Variants in PCDHGB2 observed in about 807,000 individuals in gnomAD.
PCDHGB2 encodes protocadherin gamma-B2.
In PCDHGB2, 55 loss-of-function variants were observed where a neutral mutation model predicts 59.3. The observed-to-expected ratio is 0.93, with a 90% CI of 0.75 to 1.16. The LOEUF (loss-of-function observed/expected upper bound fraction) is 1.16, where lower values mean the gene tolerates loss of function less well. Ranked by LOEUF, PCDHGB2 falls within the 50% of genes most tolerant of loss-of-function variation. PCDHGB2 has a pLI of 0.00. For synonymous variants in PCDHGB2, 516 were observed against 512.0 expected, an observed-to-expected ratio of 1.01 and a Z score of -0.11; for missense variants, 1,228 against 1,198.5, an observed-to-expected ratio of 1.02 and a Z score of -0.36.
At chr5:141,403,430 C>A in intron 1 of PCDHGB2, 1 of 1,614,022 alleles carries the variant, frequency 6.2e-7, no homozygotes, top group Non-Finnish European at 8.5e-7. Flanking sequence ...AGCTATTGAT[C>A]CGGATGTTGG....
chr5:141,418,804 T>A, intron 1 of PCDHGB2: 2 of 1,613,836 alleles, frequency 1.2e-6, no homozygotes, highest in Non-Finnish European at 1.7e-6. Flanking sequence ...TAGAAAGATA[T>A]ACGATAAACA....
In PCDHGB2 at chr5:141,487,574, C is replaced by T. The variant is rs753979217; in HGVS notation, c.2422-7233C>T. ...TGCACCTATGGCAGGGGAGCCTGTTCGCCCAAGCTGCCCACCCTCTGATCT... is the reference window on the plus strand; with the variant it reads ...TGCACCTATGGCAGGGGAGCCTGTTTGCCCAAGCTGCCCACCCTCTGATCT... On this transcript the variant is annotated intron_variant, in intron 1 of 3. Transcript: ENST00000522605. This position sits in a 1 kb window ranked among gnomAD's most constrained non-coding sequence, Gnocchi z 5.0. 1.2e-5 allele frequency: 20 copies of T among 1,614,040 alleles called. 1 individual carries two copies. The highest frequency in any genetic ancestry group is 8.9e-5 in the East Asian group (4 of 44,870).
chr5:141,413,111 AG>A lies in PCDHGB2; in HGVS notation c.2421+50557del, dbSNP rs962952666. ...ACACCCTGAAGCCACAGAAAGACAA[AG>A]GAACCGGTTGAAACACACAACGTGT... On this transcript the variant is annotated intron_variant, in intron 1 of 3. Transcript: ENST00000522605. 4.7e-6 allele frequency: 7 copies of A among 1,499,852 alleles called. No individual in the cohort carries two copies. In the African/African-American group the frequency reaches 8.4e-5, roughly 18 times the overall value. 92.9% of individuals were successfully genotyped at this position (1,499,852 alleles called of 1,614,324 possible). A position where few individuals can be genotyped will look rare whatever the true frequency, so the allele number is the denominator to read the frequency against.
Position 141,375,597 on chromosome 5 carries a change from T to A in PCDHGB2, c.2421+13041T>A, listed in dbSNP as rs752006849. ...CAGGGGGCGCCCCTGTCCTCCTACG[T>A]GTCCATCAACTCCGACACTGGGATT... On this transcript the variant is annotated intron_variant, in intron 1 of 3. Transcript: ENST00000522605. The A allele has an allele frequency of 1.4e-5, 22 of 1,614,042 alleles. No homozygotes were observed. In the Middle Eastern group the frequency reaches 4.9e-4, roughly 36 times the overall value.
intron 1 of PCDHGB2, chr5:141,375,368 A>T (rs774708513): frequency 6.2e-7 from 1 of 1,613,754 alleles, no homozygotes; most frequent in Non-Finnish European, 8.5e-7. Context: ...GGACAAAGGA[A>T]CACCACCTCT....
intron 3 of PCDHGB2, 96 bp downstream of exon 3, chr5:141,505,577 G>C: frequency 2.5e-6 from 4 of 1,589,854 alleles, no homozygotes; most frequent in Non-Finnish European, 3.4e-6. Flanking sequence ...TGTCAAACCT[G>C]TGTAGTTTCT....
At chr5:141,404,326 A>G in intron 1 of PCDHGB2, 2 of 1,613,904 alleles carry the variant, frequency 1.2e-6, no homozygotes, top group Non-Finnish European at 1.7e-6. Context: ...CCTCCTACTC[A>G]GTCTACCTCC....
chr5:141,434,948 T>C (rs1486185815), intron 1 of PCDHGB2, among the ~76,000 whole-genome samples: 1 of 151,828 alleles, frequency 6.6e-6, no homozygotes, highest in East Asian at 1.9e-4. Flanking sequence ...ATATAATTTA[T>C]TAACAATTTA....
rs370299433 is a variant in PCDHGB2 at position 141,476,360 on chromosome 5, G to A, written c.2422-18447G>A. 5.3e-5 allele frequency: 86 copies of A among 1,614,186 alleles called. No homozygotes were observed. The highest frequency in any genetic ancestry group is 6.7e-5 in the Non-Finnish European group (79 of 1,180,042). ...CCGAAGATTCTTTGAGGTGAACCGG[G>A]AGACCGGAGAGATGTTTGTGAACGA... On this transcript the variant is annotated intron_variant, in intron 1 of 3. Transcript: ENST00000522605. This position sits in a 1 kb window ranked among gnomAD's most constrained non-coding sequence, Gnocchi z 7.6.
rs1456184444 is a variant in PCDHGB2, at chr5:141,512,578, C to G, written c.*1405C>G. ...ATAGACCTTCTTCTCCCACCCCCTT[C>G]TGCCCCTGGGTCCCCGGCCATCCAG... On this transcript the variant is annotated 3_prime_UTR_variant, in exon 4 of 4. Coordinates refer to ENST00000522605, the MANE Select transcript of PCDHGB2 (RefSeq NM_018923.3). The G allele has an allele frequency of 6.5e-6, 1 of 153,062 alleles. No individual in the cohort carries two copies. The highest frequency in any genetic ancestry group is 1.5e-5 in the Non-Finnish European group (1 of 68,534). 9.5% of individuals were successfully genotyped at this position (153,062 alleles called of 1,614,324 possible). A position where few individuals can be genotyped will look rare whatever the true frequency, so the allele number is the denominator to read the frequency against.
intron 1 of PCDHGB2, among the ~76,000 whole-genome samples, chr5:141,445,132 G>T (rs921068835): frequency 2.6e-5 from 4 of 152,026 alleles, no homozygotes; most frequent in Non-Finnish European, 5.9e-5. Flanking sequence ...TTTTAAAATT[G>T]TATCTTCTAA....
Position 141,477,902 on chromosome 5 carries a change from T to A in PCDHGB2, c.2422-16905T>A. ...CCACCTAGTGTCACGGGTGGTAGGC[T>A]GGGACGCGGATGCAGGGCACAATGC... On this transcript the variant is annotated intron_variant, in intron 1 of 3. Transcript: ENST00000522605. The surrounding 1 kb of genome is among the most constrained non-coding windows in gnomAD (Gnocchi z 4.9). The A allele has an allele frequency of 6.2e-7, 1 of 1,614,176 alleles. No homozygotes were observed. Among genetic ancestry groups the A allele is most frequent in the Non-Finnish European group, 8.5e-7 (1 of 1,180,028 alleles).
At chr5:141,481,999 C>T (rs958678555) in intron 1 of PCDHGB2, among the ~76,000 whole-genome samples, 7 of 149,942 alleles carry the variant, frequency 4.7e-5, no homozygotes, top group Admixed American at 2.0e-4. Flanking sequence ...GCAGGAGAAT[C>T]GCTTTATCTC....
Position 141,476,351 on chromosome 5 carries a change from G to C in PCDHGB2, c.2422-18456G>C. On this transcript the variant is annotated intron_variant, in intron 1 of 3. Transcript: ENST00000522605. This position sits in a 1 kb window ranked among gnomAD's most constrained non-coding sequence, Gnocchi z 7.6. ...TGGAGCTAGCCGAAGATTCTTTGAG[G>C]TGAACCGGGAGACCGGAGAGATGTT... 3 of 1,614,182 alleles carry C rather than the reference G, an allele frequency of 1.9e-6. No homozygotes were observed. Among genetic ancestry groups the C allele is most frequent in the Non-Finnish European group, 2.5e-6 (3 of 1,180,046 alleles).
intron 1 of PCDHGB2, chr5:141,377,601 C>G: frequency 7.5e-6 from 1 of 133,100 alleles, no homozygotes; most frequent in South Asian, 2.3e-4. Flanking sequence ...TTCTCTCTCT[C>G]TCTCAAAAAA....
intron 1 of PCDHGB2, chr5:141,375,628 C>T (rs1771676563): frequency 1.4e-5 from 23 of 1,614,200 alleles, no homozygotes; most frequent in Non-Finnish European, 1.8e-5. Flanking sequence ...GGATTCTGTA[C>T]GCCCTGCGCT....
At chr5:141,418,441 A>G (rs2096258419) in intron 1 of PCDHGB2, 3 of 1,614,000 alleles carry the variant, frequency 1.9e-6, no homozygotes, top group South Asian at 1.1e-5. Flanking sequence ...ATCCAGAATT[A>G]GTATTGCAGA....
At chr5:141,389,338 T>C in intron 1 of PCDHGB2, 1 of 1,613,982 alleles carries the variant, frequency 6.2e-7, no homozygotes, top group South Asian at 1.1e-5. Flanking sequence ...AACGGCCAAG[T>C]CTCTTACTGC....
At chr5:141,419,471 G>A in intron 1 of PCDHGB2, 1 of 1,612,462 alleles carries the variant, frequency 6.2e-7, no homozygotes, top group Non-Finnish European at 8.5e-7. Context: ...CCGCGACCAG[G>A]GCTCGCCCGC....
Sources: allele counts gnomAD v4.1 joint callset (sites outside exome capture counted in the v4.1 genomes callset), GRCh38; gene constraint gnomAD v4.1.1; non-coding constraint Gnocchi (gnomAD v3.1); transcripts MANE v1.5; gene names NCBI Gene and HGNC (gene_info 2026-07-23, HGNC 2026-07-21).